CA10: variants seen among roughly 807,000 people sequenced by gnomAD.
CA10 encodes the protein carbonic anhydrase-related protein 10.
In CA10, 14 loss-of-function variants were observed where a neutral mutation model predicts 44.2. The observed-to-expected ratio is 0.32, with a 90% CI of 0.21 to 0.50. CA10 has a LOEUF of 0.50. Ranked by LOEUF, CA10 falls within the 20% of genes least tolerant of loss-of-function variation. The pLI, the probability that CA10 is intolerant of heterozygous loss-of-function variation, is 0.99. For missense variants in CA10, 350 were observed against 409.7 expected (o/e 0.85, Z 1.26); for synonymous variants, 159 against 141.6 (o/e 1.12, Z -0.87).
chr17:51,953,319 A>G (rs1259763449), intron 2 of CA10, among the ~76,000 whole-genome samples: 1 of 152,040 alleles, frequency 6.6e-6, no homozygotes, highest in Non-Finnish European at 1.5e-5. Context: ...TTTATTATAT[A>G]CTCAATTCCC....
At chr17:51,749,084 T>C (rs1284457947) in intron 3 of CA10, among the ~76,000 whole-genome samples, 1 of 152,210 alleles carries the variant, frequency 6.6e-6, no homozygotes, top group African/African-American at 2.4e-5. Context: ...CATCGACCAA[T>C]GGCATTATAT....
chr17:51,837,182 C>T (rs187819822), intron 3 of CA10, among the ~76,000 whole-genome samples: 1 of 152,102 alleles, frequency 6.6e-6, no homozygotes, highest in African/African-American at 2.4e-5. Context: ...AAGCTCCAAG[C>T]CTTCAGGAAG....
intron 2 of CA10, among the ~76,000 whole-genome samples, chr17:52,025,703 T>G (rs1192186764): frequency 1.3e-5 from 2 of 152,132 alleles, no homozygotes; most frequent in Non-Finnish European, 2.9e-5. Flanking sequence ...TGTCTTCATT[T>G]AACTTAAGAT....
intron 3 of CA10, among the ~76,000 whole-genome samples, chr17:51,814,979 T>C (rs892133449): frequency 6.6e-6 from 1 of 152,148 alleles, no homozygotes; most frequent in South Asian, 2.1e-4. Context: ...GGGAAAGGTG[T>C]AGTGAAATTT....
At position 51,643,404 on chromosome 17, in the gene CA10, C is replaced by A. The variant is rs547045321; in HGVS notation, c.634+5778G>T. ...ATTCGGAAAATCTATTTTTCAATGT[C>A]ATGATTTTAGTCTTAACCCCCAGTC... On this transcript the variant is annotated intron_variant, in intron 6 of 8. Transcript: ENST00000451037. 4.6e-5 allele frequency among the ~76,000 whole-genome samples: 7 copies of A among 152,266 alleles called. No individual in the cohort carries two copies. The East Asian group carries it at 1.4e-3, about 29-fold the overall frequency.
At position 51,923,201 on chromosome 17, in the gene CA10, A is replaced by G. The variant is rs1400644785; in HGVS notation, c.279+7789T>C. 3.3e-5 allele frequency among the ~76,000 whole-genome samples: 5 copies of G among 152,218 alleles called. No individual in the cohort carries two copies. The East Asian group carries it at 5.8e-4, about 18-fold the overall frequency. On this transcript the variant is annotated intron_variant, in intron 3 of 8. Coordinates refer to ENST00000451037, the MANE Select transcript of CA10 (RefSeq NM_020178.5). ...AGGAAAATTTAACATCAGTTATCCA[A>G]TAAAAACCAGCACCACGGCAACACA...
chr17:51,935,814 C>T (rs991228026), intron 2 of CA10, among the ~76,000 whole-genome samples: 2 of 152,138 alleles, frequency 1.3e-5, no homozygotes, highest in African/African-American at 2.4e-5. Flanking sequence ...AATAACACAC[C>T]TTGGCAACGT....
intron 2 of CA10, among the ~76,000 whole-genome samples, chr17:52,029,741 A>T (rs1191334842): frequency 6.6e-6 from 1 of 152,184 alleles, no homozygotes; most frequent in Admixed American, 6.5e-5. Context: ...TCAAGAAAAG[A>T]AAAGAAATTA....
chr17:51,885,243 C>T (rs1980546904), intron 3 of CA10, among the ~76,000 whole-genome samples: 1 of 152,096 alleles, frequency 6.6e-6, no homozygotes, highest in African/African-American at 2.4e-5. Context: ...GGATGCAACC[C>T]ATAAAGACTT....
chr17:52,002,623 A>G (rs4794316), intron 2 of CA10, among the ~76,000 whole-genome samples: 12 of 152,154 alleles, frequency 7.9e-5, no homozygotes, highest in Admixed American at 1.3e-4. Context: ...ATTATTTTCA[A>G]TGAATAATTT....
chr17:51,954,273 A>C (rs1013704474), intron 2 of CA10, among the ~76,000 whole-genome samples: 6 of 152,298 alleles, frequency 3.9e-5, no homozygotes, highest in South Asian at 2.1e-4. Context: ...TATTGTTTTG[A>C]GGAAAATTAA....
At chr17:52,058,515 G>C (rs1387622350) in intron 2 of CA10, among the ~76,000 whole-genome samples, 2 of 152,134 alleles carry the variant, frequency 1.3e-5, no homozygotes, top group Non-Finnish European at 2.9e-5. Flanking sequence ...TCTAAGTCCA[G>C]TGGGCTTTCT....
chr17:51,887,038 C>T (rs2143900090), intron 3 of CA10, among the ~76,000 whole-genome samples: 1 of 152,246 alleles, frequency 6.6e-6, no homozygotes, highest in African/African-American at 2.4e-5. Context: ...CTCCAGCTTG[C>T]ATATAGCAGA....
chr17:52,144,712 C>T (rs928429284), intron 1 of CA10, among the ~76,000 whole-genome samples: 1 of 152,240 alleles, frequency 6.6e-6, no homozygotes, highest in Non-Finnish European at 1.5e-5. Context: ...CTTTCACATG[C>T]ATTGGCTCAT....
At chr17:51,683,529 C>T (rs1483254015) in intron 4 of CA10, among the ~76,000 whole-genome samples, 1 of 152,170 alleles carries the variant, frequency 6.6e-6, no homozygotes. Flanking sequence ...TAATATTATC[C>T]ATTCCTGATG....
intron 2 of CA10, among the ~76,000 whole-genome samples, chr17:51,946,053 C>G (rs1008664505): frequency 3.3e-5 from 5 of 151,906 alleles, no homozygotes; most frequent in African/African-American, 1.2e-4. Flanking sequence ...AGCCAGGCCC[C>G]GAAAACAAAT....
intron 2 of CA10, among the ~76,000 whole-genome samples, chr17:52,035,677 C>T (rs757636834): frequency 1.3e-4 from 20 of 152,164 alleles, no homozygotes; most frequent in Admixed American, 2.6e-4. Flanking sequence ...TGGATGCTGC[C>T]GTGGGGCCCA....
chr17:51,884,549 G>A (rs896084963), intron 3 of CA10, among the ~76,000 whole-genome samples: 1 of 152,150 alleles, frequency 6.6e-6, no homozygotes. Context: ...GGCTTTCCAT[G>A]ACTATGGTAT....
chr17:52,122,659 C>T (rs1989036951), intron 1 of CA10, among the ~76,000 whole-genome samples: 1 of 152,110 alleles, frequency 6.6e-6, no homozygotes, highest in African/African-American at 2.4e-5. Context: ...TATTGCTACC[C>T]ATCTTATCTT....
Sources: gnomAD v4.1 joint callset for allele counts (sites outside exome capture counted in the v4.1 genomes callset) on GRCh38, gnomAD v4.1.1 for gene constraint, MANE v1.5 for transcripts, NCBI Gene and HGNC (gene_info 2026-07-23, HGNC 2026-07-21) for gene names.